KSR2: variants seen among roughly 807,000 people sequenced by gnomAD.
KSR2 encodes the protein kinase suppressor of ras 2.
KSR2 carries 25 observed loss-of-function variants against 107.8 expected under a neutral mutation model. The ratio of observed to expected loss-of-function variants is 0.23; its 90% CI spans 0.17 to 0.32. KSR2 has a LOEUF of 0.32. KSR2 is among the 10% of genes least tolerant of loss of function. The pLI, the probability that KSR2 is intolerant of heterozygous loss-of-function variation, is 1.00. For synonymous variants in KSR2, 480 were observed against 507.0 expected (o/e 0.95, Z 0.71); for missense variants, 887 against 1,268.9 (o/e 0.70, Z 4.57).
At chr12:117,576,824 TTG>T (rs1368345802) in intron 7 of KSR2, among the ~76,000 whole-genome samples, 1 of 150,210 alleles carries the variant, frequency 6.7e-6, no homozygotes, top group Non-Finnish European at 1.5e-5. Flanking sequence ...TTTTATTTAT[TTG>T]TGTGTGTGTG....
intron 1 of KSR2, among the ~76,000 whole-genome samples, chr12:117,941,471 C>T (rs1896003384): frequency 6.6e-6 from 1 of 152,074 alleles, no homozygotes; most frequent in Non-Finnish European, 1.5e-5. Context: ...ACCAAGCCTG[C>T]TTCCAGCCTC....
intron 1 of KSR2, chr12:117,890,964 C>A (rs1894323528): frequency 1.3e-5 from 2 of 152,168 alleles, no homozygotes; most frequent in Admixed American, 1.3e-4. Context: ...CATGGTTCAT[C>A]ACTGTCATCC....
chr12:117,495,567 G>T (rs959445789), intron 14 of KSR2, among the ~76,000 whole-genome samples: 2 of 152,210 alleles, frequency 1.3e-5, no homozygotes, highest in African/African-American at 2.4e-5. Context: ...GGCCTGCCAG[G>T]CATCAGAATA....
chr12:117,865,487 TA>T (rs1593318834), intron 1 of KSR2, among the ~76,000 whole-genome samples: 1 of 152,202 alleles, frequency 6.6e-6, no homozygotes, highest in Admixed American at 6.5e-5. Context: ...CTGGTCCCTT[TA>T]AAAAATAATA....
intron 3 of KSR2, among the ~76,000 whole-genome samples, chr12:117,795,156 C>G (rs1394377222): frequency 6.6e-6 from 1 of 152,318 alleles, no homozygotes; most frequent in Non-Finnish European, 1.5e-5. Context: ...CTTCCAGCCT[C>G]TGGAAACGGG....
intron 3 of KSR2, among the ~76,000 whole-genome samples, chr12:117,778,402 TG>T (rs1260825030): frequency 1.3e-5 from 2 of 152,184 alleles, no homozygotes; most frequent in African/African-American, 4.8e-5. Flanking sequence ...AAACAATCCT[TG>T]AACAGTCATA....
At chr12:117,957,709 C>T (rs962845753) in intron 1 of KSR2, among the ~76,000 whole-genome samples, 2 of 151,256 alleles carry the variant, frequency 1.3e-5, no homozygotes, top group Non-Finnish European at 2.9e-5. Context: ...GGAGTGAACC[C>T]TTCAGACATA....
chr12:117,685,323 A>ATGGC (rs1369892407), intron 4 of KSR2, among the ~76,000 whole-genome samples: 1 of 152,196 alleles, frequency 6.6e-6, no homozygotes, highest in East Asian at 1.9e-4. Context: ...ATCATTTCCG[A>ATGGC]CTGAACCAGA....
intron 3 of KSR2, among the ~76,000 whole-genome samples, chr12:117,825,600 G>A (rs1304590548): frequency 1.3e-5 from 2 of 152,092 alleles, no homozygotes; most frequent in African/African-American, 2.4e-5. Flanking sequence ...TAGCTAACAT[G>A]GCTCCCTCAC....
chr12:117,672,930 TA>T (rs1158339474), intron 4 of KSR2, among the ~76,000 whole-genome samples: 2 of 152,212 alleles, frequency 1.3e-5, no homozygotes, highest in African/African-American at 4.8e-5. Flanking sequence ...CGCCTGGTGA[TA>T]TCCAACAAAC....
At chr12:117,646,112 G>T (rs1883625296) in intron 5 of KSR2, among the ~76,000 whole-genome samples, 2 of 152,030 alleles carry the variant, frequency 1.3e-5, no homozygotes, top group Admixed American at 1.3e-4. Context: ...GTACATAGTT[G>T]TTATACTCTA....
intron 4 of KSR2, among the ~76,000 whole-genome samples, chr12:117,682,630 G>T (rs1885415727): frequency 6.6e-6 from 1 of 152,054 alleles, no homozygotes; most frequent in South Asian, 2.1e-4. Flanking sequence ...TGTTGGTCAG[G>T]CTGGTCTCAA....
At chr12:117,564,720 C>T (rs982293756) in intron 7 of KSR2, among the ~76,000 whole-genome samples, 3 of 152,044 alleles carry the variant, frequency 2.0e-5, no homozygotes, top group Non-Finnish European at 4.4e-5. Context: ...TTCCTTTCCT[C>T]CTTCATTGAA....
chr12:117,672,048 C>T (rs572443800), intron 4 of KSR2, among the ~76,000 whole-genome samples: 9 of 152,294 alleles, frequency 5.9e-5, no homozygotes, highest in Admixed American at 1.3e-4. Flanking sequence ...GCTTATCTCC[C>T]CAGGGGCCCA....
At chr12:117,540,092 G>T (rs1014170444) in intron 9 of KSR2, among the ~76,000 whole-genome samples, 5 of 152,052 alleles carry the variant, frequency 3.3e-5, no homozygotes, top group African/African-American at 1.2e-4. Context: ...AGCCTCTGGA[G>T]TCGAATTCCT....
At chr12:117,697,154 A>G (rs1228727759) in intron 4 of KSR2, among the ~76,000 whole-genome samples, 1 of 152,242 alleles carries the variant, frequency 6.6e-6, no homozygotes, top group Non-Finnish European at 1.5e-5. Context: ...AAGGTTCCCT[A>G]TCAGCTCAGG....
At chr12:117,681,124 G>T (rs1885347852) in intron 4 of KSR2, among the ~76,000 whole-genome samples, 1 of 152,068 alleles carries the variant, frequency 6.6e-6, no homozygotes, top group Non-Finnish European at 1.5e-5. Flanking sequence ...ACAAAAATTA[G>T]CCAGGCATGG....
chr12:117,458,953 C>T lies in KSR2; in HGVS notation c.*8246G>A, dbSNP rs1870760566. ...CAAACCTCCTCAAGAAAGAAAAGCC[C>T]TTGCAGCTCTCCTGCACACCACCAC... is the stretch of plus-strand genomic sequence containing the variant. On this transcript the variant is annotated 3_prime_UTR_variant, in exon 20 of 20. Coordinates refer to ENST00000339824, the MANE Select transcript of KSR2 (RefSeq NM_173598.6). 1 of 152,360 alleles carries T rather than the reference C, an allele frequency of 6.6e-6. No individual in the cohort carries two copies. Among genetic ancestry groups the T allele is most frequent in the African/African-American group, 2.4e-5 (1 of 41,446 alleles). The allele number at this position is 152,360 out of a possible 1,614,324, so 9.4% of individuals were successfully genotyped here.
At chr12:117,780,858 G>A (rs1427654764) in intron 3 of KSR2, among the ~76,000 whole-genome samples, 3 of 152,176 alleles carry the variant, frequency 2.0e-5, no homozygotes, top group Admixed American at 2.0e-4. Context: ...CGCTAAACAA[G>A]GAATCACATC....
Sources: gnomAD v4.1 joint callset for allele counts (sites outside exome capture counted in the v4.1 genomes callset) on GRCh38, gnomAD v4.1.1 for gene constraint, MANE v1.5 for transcripts, NCBI Gene and HGNC (gene_info 2026-07-23, HGNC 2026-07-21) for gene names.